Variants in VWA8 observed in about 807,000 individuals in gnomAD.
VWA8 encodes the protein von Willebrand factor A domain containing 8.
A neutral mutation model predicts 241.5 loss-of-function variants in VWA8; 221 were observed. That is an observed-to-expected ratio of 0.91 (90% confidence interval 0.82 to 1.02). The LOEUF (loss-of-function observed/expected upper bound fraction) is 1.02. Ranked by LOEUF, VWA8 falls within the 50% of genes least tolerant of loss-of-function variation. The pLI is 0.00. For missense variants in VWA8, 2,322 were observed against 2,328.7 expected (o/e 1.00, Z 0.06); for synonymous variants, 852 against 827.1 (o/e 1.03, Z -0.52).
intron 21 of VWA8, among the ~76,000 whole-genome samples, chr13:41,736,320 T>C (rs1367930843): frequency 6.6e-6 from 1 of 152,222 alleles, no homozygotes; most frequent in Non-Finnish European, 1.5e-5. Flanking sequence ...AACTCTATTC[T>C]TAACTTTGGC....
At chr13:41,744,456 C>A (rs2045589283) in intron 21 of VWA8, among the ~76,000 whole-genome samples, 2 of 152,192 alleles carry the variant, frequency 1.3e-5, no homozygotes, top group Admixed American at 1.3e-4. Context: ...GTGAACTGAA[C>A]AACCCATAAA....
At chr13:41,617,567 G>A (rs984157678) in intron 37 of VWA8, among the ~76,000 whole-genome samples, 2 of 152,102 alleles carry the variant, frequency 1.3e-5, no homozygotes, top group African/African-American at 2.4e-5. Context: ...GTATACACAT[G>A]CCATGTTGGT....
intron 23 of VWA8, among the ~76,000 whole-genome samples, chr13:41,727,698 T>C (rs1306406958): frequency 6.6e-6 from 1 of 152,176 alleles, no homozygotes; most frequent in African/African-American, 2.4e-5. Flanking sequence ...GATAAGTTCT[T>C]TAGTTTTTAT....
intron 37 of VWA8, among the ~76,000 whole-genome samples, chr13:41,621,346 T>G (rs12871376): frequency 0.02 from 2,988 of 152,276 alleles, 25 homozygotes; most frequent in South Asian, 0.047. Context: ...ATTTTCAGCT[T>G]ACCATATTTC....
At chr13:41,657,212 C>T (rs9594606) in intron 37 of VWA8, among the ~76,000 whole-genome samples, 4,968 of 151,986 alleles carry the variant, frequency 0.033, 264 homozygotes, top group African/African-American at 0.11. Flanking sequence ...TGATGGAGAA[C>T]GACTGTGTGA....
intron 2 of VWA8, among the ~76,000 whole-genome samples, chr13:41,933,160 A>G (rs186521775): frequency 6.6e-6 from 1 of 152,166 alleles, no homozygotes; most frequent in Non-Finnish European, 1.5e-5. Flanking sequence ...CAAGATTAGT[A>G]TACAAAAATC....
intron 10 of VWA8, among the ~76,000 whole-genome samples, 194 bp downstream of exon 10, chr13:41,868,151 AG>A (rs1352229600): frequency 6.6e-6 from 1 of 152,160 alleles, no homozygotes; most frequent in African/African-American, 2.4e-5. Context: ...TTTTGATGAA[AG>A]GCTTTCCCTA....
intron 37 of VWA8, among the ~76,000 whole-genome samples, chr13:41,624,102 A>G (rs2139669231): frequency 6.6e-6 from 1 of 152,228 alleles, no homozygotes; most frequent in African/African-American, 2.4e-5. Flanking sequence ...GAAACATACA[A>G]CCTCACAAGA....
chr13:41,672,558 T>G (rs1433300060), intron 36 of VWA8, among the ~76,000 whole-genome samples: 1 of 152,216 alleles, frequency 6.6e-6, no homozygotes, highest in African/African-American at 2.4e-5. Flanking sequence ...CATTATATAT[T>G]AGGTAAATTC....
intron 27 of VWA8, among the ~76,000 whole-genome samples, chr13:41,701,925 T>A (rs185384253): frequency 5.7e-4 from 87 of 152,208 alleles, no homozygotes; most frequent in Admixed American, 1.8e-3. Context: ...ATTTCCATTG[T>A]GAAGAAGGAT....
Position 41,596,232 on chromosome 13 carries a change from T to A in VWA8, c.4987-5467A>T, listed in dbSNP as rs189978698. Among the ~76,000 whole-genome samples, 14 of 152,258 alleles carry A rather than the reference T, an allele frequency of 9.2e-5. 1 individual carries two copies. The East Asian group carries it at 2.5e-3, about 27-fold the overall frequency. On this transcript the variant is annotated intron_variant, in intron 40 of 44. Coordinates refer to ENST00000379310, the MANE Select transcript of VWA8 (RefSeq NM_015058.2). ...CACTGTTCATTAGTTTTCAAGTATG[T>A]AACTTGCAGATAAATATGGGTAGAA...
At chr13:41,692,777 A>T in intron 30 of VWA8, 85 bp downstream of exon 30, 2 of 1,045,318 alleles carry the variant, frequency 1.9e-6, no homozygotes, top group Non-Finnish European at 2.8e-6. Flanking sequence ...AAAGGCACTT[A>T]AAGGGATGGG....
intron 36 of VWA8, 70 bp downstream of exon 36, chr13:41,675,144 CA>C (rs2137802661): frequency 9.0e-7 from 1 of 1,114,708 alleles, no homozygotes; most frequent in East Asian, 2.5e-5. Flanking sequence ...CTCATTTATT[CA>C]GAGTACTTAG....
At chr13:41,665,713 T>C (rs1024605220) in intron 37 of VWA8, among the ~76,000 whole-genome samples, 8 of 152,086 alleles carry the variant, frequency 5.3e-5, no homozygotes, top group Admixed American at 3.3e-4. Flanking sequence ...AATTAATTTG[T>C]TTTCTTTATA....
At chr13:41,644,401 T>C (rs538290107) in intron 37 of VWA8, among the ~76,000 whole-genome samples, 1 of 152,234 alleles carries the variant, frequency 6.6e-6, no homozygotes, top group African/African-American at 2.4e-5. Flanking sequence ...GAATAACATT[T>C]TGTTCAAGGA....
chr13:41,751,623 T>C (rs943573941), intron 21 of VWA8, among the ~76,000 whole-genome samples: 2 of 152,280 alleles, frequency 1.3e-5, no homozygotes, highest in Middle Eastern at 3.4e-3. Flanking sequence ...TATTGAATTA[T>C]GTTGTGCTTT....
chr13:41,596,105 T>G (rs993001846), intron 40 of VWA8, among the ~76,000 whole-genome samples: 5 of 152,194 alleles, frequency 3.3e-5, no homozygotes, highest in African/African-American at 1.2e-4. Flanking sequence ...CATTGATATT[T>G]TTAGGAACAT....
At chr13:41,891,985 T>C (rs2138086043) in intron 4 of VWA8, among the ~76,000 whole-genome samples, 1 of 152,276 alleles carries the variant, frequency 6.6e-6, no homozygotes, top group East Asian at 1.9e-4. Context: ...CACAAGCTTC[T>C]TGTAAGGATC....
At chr13:41,673,901 G>A (rs1328891700) in intron 36 of VWA8, among the ~76,000 whole-genome samples, 1 of 151,990 alleles carries the variant, frequency 6.6e-6, no homozygotes, top group Non-Finnish European at 1.5e-5. Context: ...AGAGAAAAAC[G>A]CTGAAATAAA....
Sources: allele counts gnomAD v4.1 joint callset (sites outside exome capture counted in the v4.1 genomes callset), GRCh38; gene constraint gnomAD v4.1.1; transcripts MANE v1.5; gene names NCBI Gene and HGNC (gene_info 2026-07-23, HGNC 2026-07-21).